SNTG2: variants seen among roughly 807,000 people sequenced by gnomAD.
SNTG2 encodes the protein gamma-2-syntrophin.
SNTG2 carries 74 observed loss-of-function variants against 70.9 expected under a neutral mutation model. The observed-to-expected ratio is 1.04, with a 90% CI of 0.86 to 1.27. SNTG2 has a LOEUF of 1.27. Ranked by LOEUF, SNTG2 falls within the 50% of genes most tolerant of loss-of-function variation. The probability of loss-of-function intolerance (pLI) is 0.00; values close to 1 mark genes in which losing one functional copy is unlikely to be tolerated. For synonymous variants in SNTG2, 278 were observed against 273.8 expected (o/e 1.02, Z -0.15); for missense variants, 717 against 690.7 (o/e 1.04, Z -0.43).
chr2:1,169,607 TC>T (rs1407218495), intron 7 of SNTG2, among the ~76,000 whole-genome samples: 3 of 152,134 alleles, frequency 2.0e-5, no homozygotes, highest in African/African-American at 7.2e-5. Flanking sequence ...GGAGGCTGTC[TC>T]TGTTGAGATT....
At chr2:1,105,692 C>T (rs1666072902) in intron 4 of SNTG2, among the ~76,000 whole-genome samples, 1 of 152,182 alleles carries the variant, frequency 6.6e-6, no homozygotes, top group African/African-American at 2.4e-5. Context: ...TGAGATTCTT[C>T]CTCAGGACCC....
chr2:1,203,819 C>A (rs1033210245), intron 8 of SNTG2, among the ~76,000 whole-genome samples: 2 of 151,658 alleles, frequency 1.3e-5, no homozygotes, highest in African/African-American at 4.9e-5. Context: ...GATCATGTAT[C>A]ATGAAAAAAA....
intron 16 of SNTG2, among the ~76,000 whole-genome samples, chr2:1,365,869 A>G (rs1174889341): frequency 6.6e-6 from 1 of 152,182 alleles, no homozygotes; most frequent in Non-Finnish European, 1.5e-5. Flanking sequence ...TATAAAGAAA[A>G]GCAGCTCCGA....
At chr2:1,056,451 GTC>G (rs1662423169) in intron 1 of SNTG2, among the ~76,000 whole-genome samples, 2 of 15,374 alleles carry the variant, frequency 1.3e-4, no homozygotes, top group East Asian at 3.5e-3. Context: ...GAGGGAGAGC[GTC>G]GCGCTGTGCT....
At chr2:1,293,410 G>A (rs989548870) in intron 14 of SNTG2, among the ~76,000 whole-genome samples, 17 of 151,322 alleles carry the variant, frequency 1.1e-4, no homozygotes, top group East Asian at 9.7e-4. Context: ...TGCGTTTAGC[G>A]TGTTTTTCTT....
intron 16 of SNTG2, among the ~76,000 whole-genome samples, chr2:1,326,408 C>A (rs1681761197): frequency 6.6e-6 from 1 of 152,100 alleles, no homozygotes; most frequent in Non-Finnish European, 1.5e-5. Flanking sequence ...TCAAATATCT[C>A]AAAGGTTTAA....
At chr2:957,681 G>T (rs563633469) in intron 1 of SNTG2, among the ~76,000 whole-genome samples, 1 of 152,146 alleles carries the variant, frequency 6.6e-6, no homozygotes, top group South Asian at 2.1e-4. Flanking sequence ...GGCAACATTT[G>T]TCTTCCGGCA....
intron 8 of SNTG2, among the ~76,000 whole-genome samples, chr2:1,180,601 C>T (rs1251179398): frequency 2.0e-5 from 3 of 147,122 alleles, no homozygotes; most frequent in Non-Finnish European, 4.5e-5. Context: ...GAAATAGGAA[C>T]ACTTTTACAC....
chr2:1,018,765 A>G (rs1428667780), intron 1 of SNTG2, among the ~76,000 whole-genome samples: 8 of 152,210 alleles, frequency 5.3e-5, no homozygotes, highest in Non-Finnish European at 1.0e-4. Context: ...AAATAAAAAG[A>G]TTGCGTGATT....
At chr2:1,149,714 A>C in intron 6 of SNTG2, among the ~76,000 whole-genome samples, 1 of 108,694 alleles carries the variant, frequency 9.2e-6, no homozygotes, top group Non-Finnish European at 1.8e-5. Flanking sequence ...TTCAAATGGA[A>C]TCTGGCTCTG....
intron 1 of SNTG2, among the ~76,000 whole-genome samples, chr2:1,031,742 A>G (rs888480351): frequency 2.6e-5 from 4 of 151,754 alleles, no homozygotes; most frequent in African/African-American, 9.7e-5. Context: ...GATACATGCT[A>G]CAACACAGAT....
In SNTG2 at chr2:1,316,346, A is replaced by T; in HGVS notation, c.1459A>T (p.Asn487Tyr). 1 of 1,548,190 alleles carries T rather than the reference A, an allele frequency of 6.5e-7. No homozygotes were observed. Among genetic ancestry groups the T allele is most frequent in the Non-Finnish European group, 8.7e-7 (1 of 1,144,056 alleles). The change falls in exon 16 of 17, where the codon AAT becomes TAT. Residue 487 changes from asparagine (N) to tyrosine (Y), a missense_variant. Coordinates refer to ENST00000308624, the MANE Select transcript of SNTG2 (RefSeq NM_018968.4). Reference sequence around the variant, plus strand: ...AACTCGAGTAAAGCTGCTGTTTCAGAATCTGGACACCAAACAGATTGAGAC... The same window carrying T: ...AACTCGAGTAAAGCTGCTGTTTCAGTATCTGGACACCAAACAGATTGAGAC... ...GKTRVKLLFQ[N>Y]LDTKQIETKE...
chr2:1,255,954 A>G (rs1245195504), intron 12 of SNTG2, among the ~76,000 whole-genome samples: 1 of 143,038 alleles, frequency 7.0e-6, no homozygotes, highest in Non-Finnish European at 1.5e-5. Flanking sequence ...ATATATAACT[A>G]CATGTGTTAA....
At chr2:1,306,102 C>T (rs1050598785) in intron 14 of SNTG2, among the ~76,000 whole-genome samples, 1 of 152,206 alleles carries the variant, frequency 6.6e-6, no homozygotes, top group Non-Finnish European at 1.5e-5. Context: ...GAACCTCAGT[C>T]CTTATCACAC....
At chr2:980,579 A>G (rs1381236304) in intron 1 of SNTG2, among the ~76,000 whole-genome samples, 3 of 152,182 alleles carry the variant, frequency 2.0e-5, no homozygotes, top group Admixed American at 6.5e-5. Context: ...AATGATTTCT[A>G]CAGAGCTCAC....
intron 14 of SNTG2, among the ~76,000 whole-genome samples, chr2:1,292,147 C>T (rs1343756274): frequency 6.6e-6 from 1 of 152,098 alleles, no homozygotes; most frequent in Non-Finnish European, 1.5e-5. Flanking sequence ...TCGTTGTTAG[C>T]ATATAGAAAT....
At chr2:1,079,172 C>T (rs2148158683) in intron 1 of SNTG2, among the ~76,000 whole-genome samples, 1 of 152,336 alleles carries the variant, frequency 6.6e-6, no homozygotes, top group South Asian at 2.1e-4. Context: ...CCTCTCCTTG[C>T]TTTTATTCCT....
chr2:1,116,725 T>C (rs1225284711), intron 4 of SNTG2, among the ~76,000 whole-genome samples: 4 of 147,876 alleles, frequency 2.7e-5, no homozygotes, highest in African/African-American at 5.0e-5. Context: ...TGCCCTGGTG[T>C]GTGCGTGCCC....
intron 1 of SNTG2, among the ~76,000 whole-genome samples, chr2:1,077,387 T>TTTTAA (rs1389475799): frequency 1.3e-5 from 2 of 152,186 alleles, no homozygotes; most frequent in Non-Finnish European, 2.9e-5. Context: ...AAATTCTTAA[T>TTTTAA]GTTGTAGTGA....
Sources: allele counts gnomAD v4.1 joint callset (sites outside exome capture counted in the v4.1 genomes callset), GRCh38; gene constraint gnomAD v4.1.1; transcripts MANE v1.5; gene names NCBI Gene and HGNC (gene_info 2026-07-23, HGNC 2026-07-21).